The following SCAI variants were observed in gnomAD, a reference collection of about 807,000 sequenced individuals.
The protein encoded by SCAI is suppressor of cancer cell invasion, also known as protein SCAI.
Under a neutral mutation model 92.2 loss-of-function variants are expected in SCAI, and 24 were observed. The ratio of observed to expected loss-of-function variants is 0.26; its 90% CI spans 0.19 to 0.37. SCAI has a LOEUF of 0.37. SCAI is among the 10% of genes least tolerant of loss of function. The pLI, the probability that SCAI is intolerant of heterozygous loss-of-function variation, is 1.00. For synonymous variants in SCAI, 261 were observed against 258.6 expected, an observed-to-expected ratio of 1.01 and a Z score of -0.09; for missense variants, 450 against 736.2, an observed-to-expected ratio of 0.61 and a Z score of 4.50.
At chr9:124,986,618 G>A (rs997484208) in intron 14 of SCAI, among the ~76,000 whole-genome samples, 4 of 152,198 alleles carry the variant, frequency 2.6e-5, no homozygotes, top group Non-Finnish European at 4.4e-5. Flanking sequence ...GATATGTGAA[G>A]AGAAAATGAG....
chr9:125,143,016 C>T (rs1173645540), intron 1 of SCAI, among the ~76,000 whole-genome samples: 2 of 151,332 alleles, frequency 1.3e-5, no homozygotes, highest in African/African-American at 2.4e-5. Context: ...CCCTAGCCTC[C>T]CCTTTCCTGT....
At chr9:125,052,486 C>CGAGGCAGGAGAATCGCTTG (rs779529586) in intron 3 of SCAI, among the ~76,000 whole-genome samples, 3 of 151,614 alleles carry the variant, frequency 2.0e-5, no homozygotes, top group African/African-American at 4.9e-5. Flanking sequence ...CGGTGGGTGC[C>CGAGGCAGGAGAATCGCTTG]GAGGCAGGAG....
In SCAI at chr9:125,071,093, C is replaced by A. The variant is rs546746172; in HGVS notation, c.99-15086G>T. Among the ~76,000 whole-genome samples, 25 of 152,292 alleles carry A rather than the reference C, an allele frequency of 1.6e-4. 1 individual carries two copies. In the South Asian group the frequency reaches 5.0e-3, roughly 30 times the overall value. ...TGTAAGATGTGCTTTTCACCTTCCA[C>A]CATGATTGTGAGGCCTCCTAGCTAC... On this transcript the variant is annotated intron_variant, in intron 2 of 17. Coordinates refer to ENST00000336505, the MANE Select transcript of SCAI (RefSeq NM_001144877.3).
intron 2 of SCAI, among the ~76,000 whole-genome samples, chr9:125,083,765 G>A (rs1834267292): frequency 1.3e-5 from 2 of 152,076 alleles, no homozygotes; most frequent in Admixed American, 6.6e-5. Context: ...ACATGGCAGT[G>A]AAAAAGCAGT....
At position 125,027,725 on chromosome 9, in the gene SCAI, G is replaced by A. The variant is rs143364344; in HGVS notation, c.413+667C>T. ...TTTAGTAGAGACGGGGTTTCACTAG[G>A]CTGGTCTCAAACTCCTGACCTCAGG... On this transcript the variant is annotated intron_variant, in intron 5 of 17. Coordinates refer to ENST00000336505, the MANE Select transcript of SCAI (RefSeq NM_001144877.3). 1.7e-3 allele frequency among the ~76,000 whole-genome samples: 255 copies of A among 152,190 alleles called. 1 individual carries two copies. The East Asian group carries it at 0.032, about 19-fold the overall frequency.
intron 9 of SCAI, among the ~76,000 whole-genome samples, chr9:125,006,497 C>T (rs1832510211): frequency 6.6e-6 from 1 of 151,588 alleles, no homozygotes; most frequent in African/African-American, 2.4e-5. Context: ...TTCATTCATT[C>T]ATTCATTCAT....
chr9:125,049,675 A>G (rs934830063), intron 3 of SCAI, among the ~76,000 whole-genome samples: 2 of 152,354 alleles, frequency 1.3e-5, no homozygotes, highest in Admixed American at 1.3e-4. Context: ...AGATATTCAC[A>G]GCTGGGAAAA....
chr9:125,042,589 C>T (rs1351880357), intron 3 of SCAI, among the ~76,000 whole-genome samples: 1 of 142,218 alleles, frequency 7.0e-6, no homozygotes, highest in African/African-American at 2.6e-5. Flanking sequence ...TAGTCCAGTC[C>T]CTAAATGCAT....
At chr9:125,044,454 A>G (rs1291619290) in intron 3 of SCAI, among the ~76,000 whole-genome samples, 1 of 152,030 alleles carries the variant, frequency 6.6e-6, no homozygotes, top group African/African-American at 2.4e-5. Flanking sequence ...GGAAGGAGCA[A>G]CTACTACAGG....
intron 14 of SCAI, among the ~76,000 whole-genome samples, chr9:124,977,414 T>C (rs1161784320): frequency 6.6e-6 from 1 of 152,164 alleles, no homozygotes; most frequent in East Asian, 1.9e-4. Context: ...GCACAGTGGC[T>C]CACGACTGTA....
At chr9:125,085,214 C>T (rs1007393798) in intron 2 of SCAI, among the ~76,000 whole-genome samples, 3 of 152,168 alleles carry the variant, frequency 2.0e-5, no homozygotes, top group African/African-American at 4.8e-5. Context: ...CAGACGGGTG[C>T]GGTGGCTTAT....
rs182357119 is a variant in SCAI, at chr9:125,001,902, G to A, written c.1144+63C>T. ...GATGGTCTGTGGGCTACGGGCCATC[G>A]TCTTGTAGAAAATAAAGAGAATTCA... On this transcript the variant is annotated intron_variant, in intron 12 of 17. Transcript: ENST00000336505. 4.2e-4 allele frequency: 503 copies of A among 1,194,866 alleles called. 4 individuals carry two copies. The African/African-American group carries it at 6.0e-3, about 14-fold the overall frequency. The allele number at this position is 1,194,866 out of a possible 1,614,324, so 74.0% of individuals were successfully genotyped here.
chr9:125,075,445 C>G (rs886894661), intron 2 of SCAI, among the ~76,000 whole-genome samples: 1 of 151,474 alleles, frequency 6.6e-6, no homozygotes, highest in Non-Finnish European at 1.5e-5. Flanking sequence ...TTCTCACTTA[C>G]TCTGTCAGTG....
rs1831181445 is a variant in SCAI, at chr9:124,948,187, A to T, written c.*4620T>A. The T allele has an allele frequency of 2.0e-5, 3 of 152,212 alleles. No homozygotes were observed. Among genetic ancestry groups the T allele is most frequent in the Admixed American group, 2.0e-4 (3 of 15,270 alleles). The allele number at this position is 152,212 out of a possible 1,614,324, so 9.4% of individuals were successfully genotyped here. On this transcript the variant is annotated 3_prime_UTR_variant, in exon 18 of 18. Transcript: ENST00000336505. ...TCAGGGAATTCTATTGCACAAAGGA[A>T]ATAAAGGGCAGTAGCCAGAAGTTGG...
intron 12 of SCAI, among the ~76,000 whole-genome samples, chr9:125,001,537 A>G (rs1401561956): frequency 2.0e-5 from 3 of 152,236 alleles, no homozygotes; most frequent in African/African-American, 2.4e-5. Context: ...ACTGATTTCT[A>G]CAAAGACTTT....
At chr9:125,017,711 CCCAAAAACAA>C (rs1832789233) in intron 9 of SCAI, among the ~76,000 whole-genome samples, 1 of 151,974 alleles carries the variant, frequency 6.6e-6, no homozygotes, top group Non-Finnish European at 1.5e-5. Flanking sequence ...GACAAATTTA[CCCAAAAACAA>C]CTCCTGGCCA....
intron 17 of SCAI, among the ~76,000 whole-genome samples, chr9:124,963,122 A>G (rs1831473861): frequency 6.7e-6 from 1 of 149,904 alleles, no homozygotes; most frequent in African/African-American, 2.5e-5. Context: ...CTTACAATAC[A>G]GTTAGCTAGA....
intron 2 of SCAI, among the ~76,000 whole-genome samples, chr9:125,067,460 C>G (rs537626698): frequency 2.0e-5 from 3 of 152,006 alleles, no homozygotes; most frequent in African/African-American, 7.3e-5. Context: ...AAGGCAGCCA[C>G]GTGAAGACGG....
chr9:125,009,433 C>CA (rs1832584956), intron 9 of SCAI, among the ~76,000 whole-genome samples: 2 of 152,090 alleles, frequency 1.3e-5, no homozygotes, highest in Non-Finnish European at 2.9e-5. Context: ...TCATGCCTGA[C>CA]TAATTTTTGT....
Sources: gnomAD v4.1 joint callset for allele counts (sites outside exome capture counted in the v4.1 genomes callset) on GRCh38, gnomAD v4.1.1 for gene constraint, MANE v1.5 for transcripts, NCBI Gene and HGNC (gene_info 2026-07-23, HGNC 2026-07-21) for gene names.